ZSCAN21: variants seen among roughly 807,000 people sequenced by gnomAD.
The protein encoded by ZSCAN21 is zinc finger and SCAN domain containing 21, also known as zinc finger and SCAN domain-containing protein 21.
ZSCAN21 carries 26 observed loss-of-function variants against 35.6 expected under a neutral mutation model. The ratio of observed to expected loss-of-function variants is 0.73; its 90% confidence interval spans 0.54 to 1.01. The LOEUF (loss-of-function observed/expected upper bound fraction) is 1.01. Among genes scored for constraint, ZSCAN21 ranks in the 50% least tolerant of loss-of-function variants. ZSCAN21 has a pLI of 0.00. For missense variants in ZSCAN21, 593 were observed against 587.1 expected, an observed-to-expected ratio of 1.01 and a Z score of -0.10; for synonymous variants, 219 against 219.3, an observed-to-expected ratio of 1.00 and a Z score of 0.01.
At chr7:100,062,138 T>C in intron 3 of ZSCAN21, among the ~76,000 whole-genome samples, 1 of 152,112 alleles carries the variant, frequency 6.6e-6, no homozygotes, top group East Asian at 1.9e-4. Context: ...TCTGATTGCT[T>C]TTATGTTCAA....
intron 1 of ZSCAN21, chr7:100,051,599 A>G (rs1463848161): frequency 1.3e-5 from 2 of 152,050 alleles, no homozygotes; most frequent in Non-Finnish European, 2.9e-5. Flanking sequence ...CGGGCCCCCT[A>G]GGGATTTTCA....
chr7:100,062,791 C>A (rs1011166844), intron 3 of ZSCAN21, among the ~76,000 whole-genome samples: 1 of 152,044 alleles, frequency 6.6e-6, no homozygotes, highest in Non-Finnish European at 1.5e-5. Flanking sequence ...AGGAGAATCA[C>A]TTGAACCCAG....
chr7:100,053,546 A>ATACATAG (rs755978112), intron 1 of ZSCAN21, among the ~76,000 whole-genome samples: 31,746 of 79,024 alleles, frequency 0.4, 5,095 homozygotes, highest in Middle Eastern at 0.56. Flanking sequence ...TACATACATA[A>ATACATAG]TTTTTTTTTT....
In ZSCAN21 at chr7:100,064,975, G is replaced by A; in HGVS notation, c.*358G>A. 7 of 1,592,650 alleles carry A rather than the reference G, an allele frequency of 4.4e-6. No homozygotes were observed. In the Admixed American group the frequency reaches 5.1e-5, roughly 12 times the overall value. ...AACATATATTCAAGAATTTTAATTT[G>A]TAAAGAATTGAGCCACATTGAACAC... On this transcript the variant is annotated 3_prime_UTR_variant, in exon 4 of 4. Coordinates refer to ENST00000292450, the MANE Select transcript of ZSCAN21 (RefSeq NM_145914.3).
intron 1 of ZSCAN21, among the ~76,000 whole-genome samples, chr7:100,055,374 T>C (rs971591174): frequency 1.3e-5 from 2 of 150,166 alleles, no homozygotes; most frequent in Non-Finnish European, 3.0e-5. Flanking sequence ...AGGGGATTCT[T>C]GTGTGCCTCA....
chr7:100,063,758 G>A, intron 3 of ZSCAN21, 30 bp from the exon 4 acceptor site: 1 of 1,565,960 alleles, frequency 6.4e-7, no homozygotes, highest in Non-Finnish European at 8.6e-7. Context: ...AGAAACAACT[G>A]AAGTATCCTT....
At chr7:100,051,255 T>G (rs573218054) in intron 1 of ZSCAN21, among the ~76,000 whole-genome samples, 67 of 143,428 alleles carry the variant, frequency 4.7e-4, no homozygotes, top group African/African-American at 1.6e-3. Context: ...ATTATCTAAT[T>G]TGGCTGCCTA....
chr7:100,051,797 C>A lies in ZSCAN21; in HGVS notation c.-97+1956C>A, dbSNP rs903878283. ...AGGGAAAATGGACACAGAACAAGGG[C>A]CTTCTGTTTATGATAGACCATGAAC... On this transcript the variant is annotated intron_variant, in intron 1 of 3. Transcript: ENST00000292450. 2.0e-5 allele frequency among the ~76,000 whole-genome samples: 3 copies of A among 151,944 alleles called. No homozygotes were observed. The South Asian group carries it at 6.2e-4, about 31-fold the overall frequency.
chr7:100,061,484 T>G (rs1194141547), intron 3 of ZSCAN21, among the ~76,000 whole-genome samples: 1 of 152,188 alleles, frequency 6.6e-6, no homozygotes, highest in East Asian at 1.9e-4. Flanking sequence ...ATTATGCCAC[T>G]GTACTCCCAC....
intron 1 of ZSCAN21, among the ~76,000 whole-genome samples, chr7:100,053,125 C>CAA (rs1026582023): frequency 1.3e-4 from 10 of 75,740 alleles, no homozygotes; most frequent in East Asian, 3.6e-4. Context: ...GACTCCATCT[C>CAA]AAAAAAAAAA....
At chr7:100,055,354 T>C (rs535798348) in intron 1 of ZSCAN21, among the ~76,000 whole-genome samples, 2 of 151,636 alleles carry the variant, frequency 1.3e-5, no homozygotes, top group Non-Finnish European at 2.9e-5. Context: ...AACCTCTGCC[T>C]CCCATGTTCA....
intron 3 of ZSCAN21, among the ~76,000 whole-genome samples, chr7:100,063,142 G>A (rs1011609664): frequency 3.9e-5 from 6 of 152,136 alleles, no homozygotes; most frequent in Non-Finnish European, 5.9e-5. Flanking sequence ...CCATCCTCCC[G>A]CCTCAGCTCC....
At position 100,057,862 on chromosome 7, in the gene ZSCAN21, G is replaced by T. The variant is rs776242721; in HGVS notation, c.564G>T (p.Glu188Asp). The stretch of plus-strand genomic sequence containing the variant: ...TCCAAGAGTCTGGTGAGGAGCAGGA[G>T]TTCGCTCAAGATCCAAGAAAGGTCC... The part of the protein sequence containing the change: ...LYIQESGEEQ[E>D]FAQDPRKVRD... The change falls in exon 3 of 4, where the codon GAG becomes GAT. Residue 188 changes from glutamate to aspartate, a missense_variant. Physicochemically the swap from Glu to Asp is conservative, Grantham distance 45. Coordinates refer to ENST00000292450, the MANE Select transcript of ZSCAN21 (RefSeq NM_145914.3). 7.4e-6 allele frequency: 12 copies of T among 1,611,462 alleles called. No homozygotes were observed. Among genetic ancestry groups the T allele is most frequent in the Non-Finnish European group, 1.0e-5 (12 of 1,178,812 alleles).
At position 100,057,742 on chromosome 7, in the gene ZSCAN21, ATCC is replaced by A. The variant is rs1466614354; in HGVS notation, c.450_452del (p.Ser151del). On this transcript the variant is annotated inframe_deletion, in exon 3 of 4. Transcript: ENST00000292450. ...AACAGAAACCGGTGTGGGAGAAGAT[ATCC>A]TCCTCAGGAACTGCAAAGGAATCCC... 1.2e-6 allele frequency: 2 copies of A among 1,613,892 alleles called. No homozygotes were observed. The highest frequency in any genetic ancestry group is 3.3e-5 in the Admixed American group (2 of 59,944).
chr7:100,064,199 G>T lies in ZSCAN21; in HGVS notation c.1004G>T (p.Cys335Phe), dbSNP rs781008159. 1 of 1,614,056 alleles carries T rather than the reference G, an allele frequency of 6.2e-7. No homozygotes were observed. The highest frequency in any genetic ancestry group is 8.5e-7 in the Non-Finnish European group (1 of 1,179,940). The part of the protein sequence containing the change: ...RTHLVDRPYD[C>F]KCGKAFGQSS... ...CACTTGGTGGACCGGCCCTATGACT[G>T]TAAGTGTGGAAAAGCTTTTGGGCAG... Residue 335 changes from cysteine (C) to phenylalanine (F), a missense_variant, in exon 4 of 4, where the codon TGT (cysteine) becomes TTT (phenylalanine). Transcript: ENST00000292450.
chr7:100,056,707 A>G (rs566665210), intron 1 of ZSCAN21, among the ~76,000 whole-genome samples: 24 of 151,756 alleles, frequency 1.6e-4, no homozygotes, highest in Middle Eastern at 3.4e-3. Context: ...CATGTGATCC[A>G]CCCGTCTCAG....
Position 100,064,540 on chromosome 7 carries a change from T to C in ZSCAN21, c.1345T>C (p.Cys449Arg). ...GGAAAAGCCCTACTGGTGTCATCACTGTGGAAAGACCTTCTGTAGCAAGTC... is the reference window on the plus strand; with the variant it reads ...GGAAAAGCCCTACTGGTGTCATCACCGTGGAAAGACCTTCTGTAGCAAGTC... ...TGEKPYWCHH[C>R]GKTFCSKSNL... The change falls in exon 4 of 4, where the codon TGT becomes CGT. Residue 449 changes from cysteine (C) to arginine (R), a missense_variant. Transcript: ENST00000292450. 6.2e-7 allele frequency: 1 copy of C among 1,614,188 alleles called. No homozygotes were observed. The highest frequency in any genetic ancestry group is 8.5e-7 in the Non-Finnish European group (1 of 1,180,034).
At chr7:100,052,001 A>G (rs1791897412) in intron 1 of ZSCAN21, among the ~76,000 whole-genome samples, 1 of 151,958 alleles carries the variant, frequency 6.6e-6, no homozygotes, top group Admixed American at 6.6e-5. Context: ...TACAGCCACA[A>G]CTCTGCAGCC....
rs561717226 is a variant in ZSCAN21 at position 100,050,153 on chromosome 7, G to C, written c.-97+312G>C. 3.9e-5 allele frequency among the ~76,000 whole-genome samples: 6 copies of C among 152,332 alleles called. No homozygotes were observed. In the East Asian group the frequency reaches 1.2e-3, roughly 29 times the overall value. ...GTTCCCCAAGCCAAGCCGTCTATCAGTCTGACCGTGGCCGCCTTTTTTCCC... is the reference window on the plus strand; with the variant it reads ...GTTCCCCAAGCCAAGCCGTCTATCACTCTGACCGTGGCCGCCTTTTTTCCC... On this transcript the variant is annotated intron_variant, in intron 1 of 3. Coordinates refer to ENST00000292450, the MANE Select transcript of ZSCAN21 (RefSeq NM_145914.3).
Sources: gnomAD v4.1 joint callset for allele counts (sites outside exome capture counted in the v4.1 genomes callset) on GRCh38, gnomAD v4.1.1 for gene constraint, MANE v1.5 for transcripts, NCBI Gene and HGNC (gene_info 2026-07-23, HGNC 2026-07-21) for gene names.